The following TENM1 variants were observed in gnomAD, a reference collection of about 807,000 sequenced individuals.
TENM1 encodes teneurin-1.
Under a neutral mutation model 174.8 loss-of-function variants are expected in TENM1, and 35 were observed. The observed-to-expected ratio is 0.20, with a 90% CI of 0.15 to 0.27. The LOEUF is 0.27. TENM1 is among the 10% of genes least tolerant of loss of function. TENM1 has a pLI of 1.00. For synonymous variants in TENM1, 781 were observed against 798.7 expected (o/e 0.98, Z 0.37); for missense variants, 1,633 against 2,130.1 (o/e 0.77, Z 4.59).
intron 30 of TENM1, 23 bp downstream of exon 33, chrX:124,383,611 A>G: frequency 1.7e-6 from 2 of 1,175,102 alleles, no homozygotes; most frequent in Non-Finnish European, 2.3e-6. Flanking sequence ...AGTTTAGCTT[A>G]AAGTTTTAAA....
chrX:124,836,768 G>A lies in TENM1; in HGVS notation c.535+57528C>T, dbSNP rs7063622. On this transcript the variant is annotated intron_variant, in intron 3 of 31. Coordinates refer to ENST00000422452, the Ensembl canonical transcript of TENM1. ...TGATGAAATTGAGATTCAGAGAAAC[G>A]AAATTACCTGCTTAAGAAAACAAAC... Among the ~76,000 whole-genome samples the A allele has an allele frequency of 1.4e-3, 157 of 112,432 alleles. 1 individual carries two copies. Among genetic ancestry groups the A allele is most frequent in the African/African-American group, 4.8e-3 (149 of 30,997 alleles).
At chrX:124,775,180 C>T (rs1303803256) in intron 3 of TENM1, among the ~76,000 whole-genome samples, 1 of 109,838 alleles carries the variant, frequency 9.1e-6, no homozygotes, top group Non-Finnish European at 1.9e-5. Flanking sequence ...GTGGCGTGCA[C>T]CTGTAATCCC....
chrX:125,118,279 C>T, the TENM1 span, among the ~76,000 whole-genome samples: 1,138 of 110,893 alleles, frequency 0.01, 10 homozygotes, highest in Non-Finnish European at 0.013. Flanking sequence ...ACAATGTTCA[C>T]TATTTGGGGG....
intron 3 of TENM1, among the ~76,000 whole-genome samples, chrX:124,767,959 G>A (rs945989649): frequency 1.4e-4 from 16 of 111,185 alleles, no homozygotes; most frequent in African/African-American, 4.9e-4. Context: ...TTCCTATAGG[G>A]TTTTCTCCTC....
intron 15 of TENM1, among the ~76,000 whole-genome samples, chrX:124,538,755 AC>A (rs1414751091): frequency 2.7e-5 from 3 of 111,984 alleles, no homozygotes; most frequent in Non-Finnish European, 5.7e-5. Context: ...TTCTGGGGTT[AC>A]TCGTAGATAG....
the TENM1 span, among the ~76,000 whole-genome samples, chrX:125,087,731 A>G: frequency 1.1e-4 from 12 of 111,600 alleles, no homozygotes; most frequent in Non-Finnish European, 1.9e-4. Flanking sequence ...AGAGCCCCCA[A>G]AGACCAAAAC....
At chrX:124,393,683 G>A (rs2060305192) in intron 27 of TENM1, among the ~76,000 whole-genome samples, 1 of 111,816 alleles carries the variant, frequency 8.9e-6, no homozygotes, top group Non-Finnish European at 1.9e-5. Context: ...TGCAAAAATG[G>A]TAGAGTTGCT....
At chrX:124,590,217 G>A (rs2049698386) in intron 11 of TENM1, among the ~76,000 whole-genome samples, 1 of 111,687 alleles carries the variant, frequency 9.0e-6, no homozygotes. Context: ...TAACTGTGCA[G>A]TTTTGAGAGA....
chrX:124,770,732 C>A (rs1274784998), intron 3 of TENM1, among the ~76,000 whole-genome samples: 1 of 108,484 alleles, frequency 9.2e-6, no homozygotes, highest in Admixed American at 9.9e-5. Context: ...TTTTACTTGA[C>A]AATACATCTT....
intron 1 of TENM1, among the ~76,000 whole-genome samples, chrX:124,948,680 G>A (rs1416933509): frequency 8.9e-6 from 1 of 112,078 alleles, no homozygotes; most frequent in Non-Finnish European, 1.9e-5. Context: ...AGCCTCCTGA[G>A]TAGCTGGGAT....
chrX:124,836,706 G>A (rs1188072110), intron 3 of TENM1, among the ~76,000 whole-genome samples: 5 of 112,364 alleles, frequency 4.4e-5, no homozygotes, highest in Non-Finnish European at 7.5e-5. Context: ...AAAGCTGGAA[G>A]AGCCCTTGCA....
intron 3 of TENM1, among the ~76,000 whole-genome samples, chrX:124,847,787 A>C (rs966124581): frequency 2.7e-5 from 3 of 111,799 alleles, no homozygotes; most frequent in African/African-American, 9.7e-5. Flanking sequence ...GAGCCTTAAG[A>C]TTCTGAGTAG....
At chrX:124,614,391 A>G in intron 11 of TENM1, among the ~76,000 whole-genome samples, 1 of 112,185 alleles carries the variant, frequency 8.9e-6, no homozygotes, top group Non-Finnish European at 1.9e-5. Context: ...AAGTTAATAC[A>G]TCTACCTCCC....
At chrX:124,393,101 C>T (rs1267161732) in intron 27 of TENM1, among the ~76,000 whole-genome samples, 2 of 111,360 alleles carry the variant, frequency 1.8e-5, no homozygotes, top group African/African-American at 6.5e-5. Flanking sequence ...TTTCTCTGGG[C>T]ACCTCAAAAC....
At chrX:125,064,312 TA>T in the TENM1 span, among the ~76,000 whole-genome samples, 7 of 107,964 alleles carry the variant, frequency 6.5e-5, no homozygotes, top group Admixed American at 3.0e-4. Context: ...AGTATAATAA[TA>T]AAAAAAAGAA....
Position 124,420,654 on chromosome X carries a change from C to T in TENM1, c.4639G>A (p.Ala1547Thr), listed in dbSNP as rs868496951. Reference sequence around the variant, plus strand: ...GTGAACTGGTACAGTTCCTGATCAGCGGGTGAAGCAATCTCATAAATGTTC... The same window carrying T: ...GTGAACTGGTACAGTTCCTGATCAGTGGGTGAAGCAATCTCATAAATGTTC... The change falls in exon 25 of 32, where the codon GCT becomes ACT. Residue 1547 changes from alanine (A) to threonine (T), a missense_variant. Transcript: ENST00000422452. The T allele has an allele frequency of 4.1e-6, 5 of 1,209,807 alleles. No homozygotes were observed. The highest frequency in any genetic ancestry group is 1.7e-5 in the African/African-American group (1 of 57,228).
intron 10 of TENM1, among the ~76,000 whole-genome samples, chrX:124,643,817 A>C (rs1464091372): frequency 9.1e-6 from 1 of 109,739 alleles, no homozygotes; most frequent in African/African-American, 3.3e-5. Flanking sequence ...CTGCTTACAA[A>C]ATTTAAATTA....
chrX:124,521,427 G>A (rs2047847453), intron 17 of TENM1, among the ~76,000 whole-genome samples: 1 of 112,319 alleles, frequency 8.9e-6, no homozygotes, highest in South Asian at 3.7e-4. Flanking sequence ...GTGCCTGGAT[G>A]TAGCAATGGC....
intron 4 of TENM1, among the ~76,000 whole-genome samples, chrX:124,707,128 C>T (rs1019273838): frequency 5.4e-5 from 6 of 110,127 alleles, no homozygotes; most frequent in Non-Finnish European, 9.5e-5. Flanking sequence ...GCCTCAGCCT[C>T]GCAAGTAGCT....
Sources: gnomAD v4.1 joint callset for allele counts (sites outside exome capture counted in the v4.1 genomes callset) on GRCh38, gnomAD v4.1.1 for gene constraint, MANE v1.5 for transcripts, NCBI Gene and HGNC (gene_info 2026-07-23, HGNC 2026-07-21) for gene names.